ADARB2: variants seen among roughly 807,000 people sequenced by gnomAD.
ADARB2 encodes the protein adenosine deaminase RNA specific B2 (inactive), also known as inactive double-stranded RNA-specific editase B2.
Under a neutral mutation model 62.2 loss-of-function variants are expected in ADARB2, and 25 were observed. That is an observed-to-expected ratio of 0.40 (90% CI 0.29 to 0.56). The LOEUF is 0.56. Ranked by LOEUF, ADARB2 falls within the 20% of genes least tolerant of loss-of-function variation. ADARB2 has a pLI of 0.43. For missense variants in ADARB2, 1,071 were observed against 1,077.4 expected (o/e 0.99, Z 0.08); for synonymous variants, 572 against 500.8 (o/e 1.14, Z -1.90).
At chr10:1,250,876 G>T (rs1831032092) in intron 4 of ADARB2, among the ~76,000 whole-genome samples, 1 of 152,180 alleles carries the variant, frequency 6.6e-6, no homozygotes, top group African/African-American at 2.4e-5. Context: ...GGTCACTGTG[G>T]GGATGGGGTG....
In ADARB2 at chr10:1,182,437, A is replaced by G. The variant is rs1836688487; in HGVS notation, c.*756T>C. 6.6e-6 allele frequency: 1 copy of G among 151,408 alleles called. No homozygotes were observed. The highest frequency in any genetic ancestry group is 2.5e-5 in the African/African-American group (1 of 40,694). The allele number at this position is 151,408 out of a possible 1,614,324, so 9.4% of individuals were successfully genotyped here. A position where few individuals can be genotyped will look rare whatever the true frequency, so the allele number is the denominator to read the frequency against. ...CAGCACGCGTGGGCCGGGTGTTTCC[A>G]GGCTCCCCACATCTGCAGCACGCGT... On this transcript the variant is annotated 3_prime_UTR_variant, in exon 10 of 10. Coordinates refer to ENST00000381312, the MANE Select transcript of ADARB2 (RefSeq NM_018702.4).
intron 3 of ADARB2, among the ~76,000 whole-genome samples, chr10:1,288,287 G>C (rs758760104): frequency 2.0e-4 from 31 of 152,200 alleles, no homozygotes; most frequent in Non-Finnish European, 4.0e-4. Flanking sequence ...ATAAGACAAG[G>C]TCCTCTACAT....
chr10:1,396,703 C>G (rs1370616631), intron 1 of ADARB2, among the ~76,000 whole-genome samples: 5 of 144,040 alleles, frequency 3.5e-5, no homozygotes, highest in African/African-American at 1.3e-4. Flanking sequence ...CGTCTCTCCC[C>G]TCCCGAGCGG....
At chr10:1,655,128 G>A (rs1834158352) in intron 1 of ADARB2, among the ~76,000 whole-genome samples, 2 of 152,220 alleles carry the variant, frequency 1.3e-5, no homozygotes, top group South Asian at 2.1e-4. Flanking sequence ...CCCTGCATGG[G>A]GCCTTTCCTT....
In ADARB2 at chr10:1,183,087, A is replaced by T; in HGVS notation, c.*106T>A. The T allele has an allele frequency of 7.5e-7, 1 of 1,328,560 alleles. No homozygotes were observed. Among genetic ancestry groups the T allele is most frequent in the Non-Finnish European group, 1.0e-6 (1 of 972,776 alleles). 82.3% of individuals were successfully genotyped at this position (1,328,560 alleles called of 1,614,324 possible). A position where few individuals can be genotyped will look rare whatever the true frequency, so the allele number is the denominator to read the frequency against. Reference sequence around the variant, plus strand: ...CACACTCGCGTGTTTCTGGGACACCAAAGTAAAACGAATGCAGGGAACCGG... The same window carrying T: ...CACACTCGCGTGTTTCTGGGACACCTAAGTAAAACGAATGCAGGGAACCGG... On this transcript the variant is annotated 3_prime_UTR_variant, in exon 10 of 10. Transcript: ENST00000381312.
At chr10:1,434,053 T>A (rs1456097772) in intron 1 of ADARB2, among the ~76,000 whole-genome samples, 1 of 152,122 alleles carries the variant, frequency 6.6e-6, no homozygotes, top group Non-Finnish European at 1.5e-5. Context: ...TTTTTTGTAA[T>A]CAGAAAGAAA....
chr10:1,356,098 C>T (rs1030457525), intron 3 of ADARB2, among the ~76,000 whole-genome samples: 5 of 152,130 alleles, frequency 3.3e-5, no homozygotes, highest in African/African-American at 4.8e-5. Flanking sequence ...AGTGACCTCT[C>T]GCTCTTTTTC....
intron 1 of ADARB2, among the ~76,000 whole-genome samples, chr10:1,412,603 T>A (rs1832768547): frequency 6.6e-6 from 1 of 152,180 alleles, no homozygotes; most frequent in Admixed American, 6.5e-5. Context: ...TGCCAGAGGA[T>A]GGGCCGGACC....
chr10:1,201,566 G>A (rs1461399004), intron 7 of ADARB2, among the ~76,000 whole-genome samples: 1 of 151,664 alleles, frequency 6.6e-6, no homozygotes, highest in African/African-American at 2.4e-5. Flanking sequence ...GCCACAGAGC[G>A]CCTGTCACCG....
At chr10:1,197,507 C>G (rs868708148) in intron 8 of ADARB2, among the ~76,000 whole-genome samples, 2 of 152,226 alleles carry the variant, frequency 1.3e-5, no homozygotes, top group Admixed American at 6.5e-5. Flanking sequence ...TTTTCACACT[C>G]CAGGAAATTG....
At chr10:1,586,051 A>G (rs1833176833) in intron 1 of ADARB2, among the ~76,000 whole-genome samples, 1 of 152,128 alleles carries the variant, frequency 6.6e-6, no homozygotes, top group South Asian at 2.1e-4. Context: ...CAAACGAACA[A>G]AAAACAAAAA....
chr10:1,244,551 T>C (rs1830959703), intron 4 of ADARB2, among the ~76,000 whole-genome samples: 2 of 152,180 alleles, frequency 1.3e-5, no homozygotes, highest in African/African-American at 2.4e-5. Context: ...CTCAGCACAA[T>C]TACGTGGCCC....
At chr10:1,646,510 G>A (rs1257283093) in intron 1 of ADARB2, among the ~76,000 whole-genome samples, 2 of 152,216 alleles carry the variant, frequency 1.3e-5, no homozygotes, top group Admixed American at 6.5e-5. Context: ...AAGGGCAGCG[G>A]CTTTAGCCGC....
Position 1,313,606 on chromosome 10 carries a change from AAC to A in ADARB2, c.1078-42539_1078-42538del, listed in dbSNP as rs10612605. ...CACCACCTCCTGGGATAACAGGGGA[AAC>A]ACAACTAAAACAGGGCACAGGGTTA... is the stretch of plus-strand genomic sequence containing the variant. On this transcript the variant is annotated intron_variant, in intron 3 of 9. Transcript: ENST00000381312. 7.6e-3 allele frequency among the ~76,000 whole-genome samples: 1,113 copies of A among 145,564 alleles called. 16 individuals are homozygous for A. Among genetic ancestry groups the A allele is most frequent in the African/African-American group, 0.025 (1,017 of 41,096 alleles).
At chr10:1,724,887 G>A (rs888237937) in intron 1 of ADARB2, among the ~76,000 whole-genome samples, 5 of 152,286 alleles carry the variant, frequency 3.3e-5, no homozygotes, top group Middle Eastern at 3.4e-3. Flanking sequence ...ACCTCTCCAC[G>A]CCAACGCTGT....
chr10:1,433,661 C>A (rs947637988), intron 1 of ADARB2, among the ~76,000 whole-genome samples: 3 of 152,162 alleles, frequency 2.0e-5, no homozygotes, highest in African/African-American at 7.2e-5. Flanking sequence ...CCAGGCCCAC[C>A]TCCCACCAAC....
Position 1,177,637 on chromosome 10 carries a change from G to A in ADARB2, c.*5556C>T, listed in dbSNP as rs1239183337. ...AAACTGCAGAGAGATAGAAATCTAG[G>A]GCCTGTGTGAAAAGAGGCACTGGGA... On this transcript the variant is annotated 3_prime_UTR_variant, in exon 10 of 10. Coordinates refer to ENST00000381312, the MANE Select transcript of ADARB2 (RefSeq NM_018702.4). 2.6e-5 allele frequency: 4 copies of A among 151,942 alleles called. No homozygotes were observed. The highest frequency in any genetic ancestry group is 9.7e-5 in the African/African-American group (4 of 41,350). 9.4% of individuals were successfully genotyped at this position (151,942 alleles called of 1,614,324 possible). A position where few individuals can be genotyped will look rare whatever the true frequency, so the allele number is the denominator to read the frequency against.
At chr10:1,696,971 A>ATTT (rs11404553) in intron 1 of ADARB2, among the ~76,000 whole-genome samples, 10 of 149,778 alleles carry the variant, frequency 6.7e-5, no homozygotes, top group Non-Finnish European at 1.3e-4. Flanking sequence ...TTATTTTGTG[A>ATTT]TTTTTTTTTT....
intron 3 of ADARB2, among the ~76,000 whole-genome samples, chr10:1,301,612 T>C (rs915402828): frequency 4.6e-5 from 7 of 152,036 alleles, no homozygotes; most frequent in African/African-American, 1.7e-4. Context: ...CTCTTCAGGG[T>C]TCATTAATTT....
Sources: gnomAD v4.1 joint callset for allele counts (sites outside exome capture counted in the v4.1 genomes callset) on GRCh38, gnomAD v4.1.1 for gene constraint, MANE v1.5 for transcripts, NCBI Gene and HGNC (gene_info 2026-07-23, HGNC 2026-07-21) for gene names.